Variants in PHF24 observed in about 807,000 individuals in gnomAD.
PHF24 encodes Galpha inhibitory interacting protein.
Under a neutral mutation model 42.6 loss-of-function variants are expected in PHF24, and 25 were observed. The observed-to-expected ratio is 0.59, with a 90% CI of 0.43 to 0.82. The LOEUF (loss-of-function observed/expected upper bound fraction) is 0.82. PHF24 is among the 40% of genes least tolerant of loss of function. The probability of loss-of-function intolerance (pLI) is 0.00; values close to 1 mark genes in which losing one functional copy is unlikely to be tolerated. For synonymous variants in PHF24, 185 were observed against 204.8 expected (o/e 0.90, Z 0.83); for missense variants, 470 against 538.1 (o/e 0.87, Z 1.25).
chr9:34,829,161 C>T, the PHF24 span, among the ~76,000 whole-genome samples: 1 of 151,922 alleles, frequency 6.6e-6, no homozygotes, highest in Non-Finnish European at 1.5e-5. Flanking sequence ...CGGATGTGGA[C>T]TGTTAGGAAA....
chr9:34,922,250 G>T, the PHF24 span: 38 of 1,592,632 alleles, frequency 2.4e-5, no homozygotes, highest in East Asian at 7.4e-4. Flanking sequence ...ACAATGTCAA[G>T]TTGTCTCTCA....
At chr9:34,696,629 G>GT in the PHF24 span, among the ~76,000 whole-genome samples, 6 of 152,166 alleles carry the variant, frequency 3.9e-5, no homozygotes, top group Admixed American at 3.9e-4. Context: ...TCATGTATGA[G>GT]TGATGATGCC....
the PHF24 span, chr9:34,690,038 C>T: frequency 9.9e-6 from 16 of 1,612,326 alleles, no homozygotes; most frequent in East Asian, 2.2e-5. Flanking sequence ...GGTGAGAGGC[C>T]GGAGAGAATG....
At chr9:34,699,838 A>G in the PHF24 span, among the ~76,000 whole-genome samples, 4 of 152,268 alleles carry the variant, frequency 2.6e-5, no homozygotes, top group African/African-American at 9.6e-5. Flanking sequence ...TGTTATGCTA[A>G]TGAAAGAGAC....
chr9:34,842,605 C>T, the PHF24 span, among the ~76,000 whole-genome samples: 1 of 152,160 alleles, frequency 6.6e-6, no homozygotes, highest in Non-Finnish European at 1.5e-5. Context: ...GAGGATGCAG[C>T]AACCAGGTTC....
chr9:34,722,390 G>C, the PHF24 span, among the ~76,000 whole-genome samples: 2 of 152,200 alleles, frequency 1.3e-5, no homozygotes. Context: ...AATACAGTGG[G>C]TTTGGTATGT....
At chr9:34,831,912 A>C in the PHF24 span, among the ~76,000 whole-genome samples, 1 of 152,176 alleles carries the variant, frequency 6.6e-6, no homozygotes, top group African/African-American at 2.4e-5. Context: ...TATCATCTGG[A>C]TCTGACATCT....
chr9:34,856,204 A>G, the PHF24 span, among the ~76,000 whole-genome samples: 1 of 151,970 alleles, frequency 6.6e-6, no homozygotes, highest in African/African-American at 2.4e-5. Context: ...GCTTCTTTGT[A>G]TTGGGTTGGA....
chr9:34,854,193 TC>T, the PHF24 span, among the ~76,000 whole-genome samples: 7 of 45,110 alleles, frequency 1.6e-4, no homozygotes, highest in East Asian at 5.6e-3. Context: ...TAGCAGTCTA[TC>T]TATTTTTTTT....
the PHF24 span, among the ~76,000 whole-genome samples, chr9:34,908,842 C>CTTTTTTTTTTTTTTTT: frequency 6.2e-4 from 84 of 135,322 alleles, no homozygotes; most frequent in East Asian, 8.5e-4. Flanking sequence ...CTTTTCTTTT[C>CTTTTTTTTTTTTTTTT]TTTTTTTTTT....
At chr9:34,865,204 T>TG in the PHF24 span, among the ~76,000 whole-genome samples, 3 of 151,622 alleles carry the variant, frequency 2.0e-5, no homozygotes, top group Non-Finnish European at 4.4e-5. Context: ...TAGTTTTTTT[T>TG]TTGTTTATGC....
upstream of PHF24, among the ~76,000 whole-genome samples, chr9:34,956,650 T>G (rs1826380597): frequency 6.6e-6 from 1 of 152,222 alleles, no homozygotes. Context: ...TCAGACAGCC[T>G]AGAAATAAAA....
At chr9:34,721,437 G>C in the PHF24 span, among the ~76,000 whole-genome samples, 1 of 131,574 alleles carries the variant, frequency 7.6e-6, no homozygotes, top group African/African-American at 3.7e-5. Flanking sequence ...CTCTCTCGAT[G>C]GAGTTTTGCT....
At chr9:34,827,360 C>T in the PHF24 span, among the ~76,000 whole-genome samples, 1 of 152,204 alleles carries the variant, frequency 6.6e-6, no homozygotes, top group African/African-American at 2.4e-5. Context: ...AGTGTTGGTT[C>T]AGCAGGCCTG....
chr9:34,962,047 G>T (rs1456018322), intron 1 of PHF24, among the ~76,000 whole-genome samples: 1 of 152,126 alleles, frequency 6.6e-6, no homozygotes, highest in African/African-American at 2.4e-5. Flanking sequence ...TTTCCTGTTG[G>T]GTCCTAAGGC....
chr9:34,696,903 C>T, the PHF24 span, among the ~76,000 whole-genome samples: 4 of 152,136 alleles, frequency 2.6e-5, no homozygotes, highest in South Asian at 2.1e-4. Flanking sequence ...TCTCCAGGCC[C>T]GTAGCAAGTT....
chr9:34,676,392 C>T, the PHF24 span, among the ~76,000 whole-genome samples: 14 of 152,256 alleles, frequency 9.2e-5, no homozygotes, highest in South Asian at 1.2e-3. Flanking sequence ...GGCATGGTGG[C>T]GGGCCCCTGT....
the PHF24 span, among the ~76,000 whole-genome samples, chr9:34,944,305 A>G: frequency 1.3e-5 from 2 of 152,192 alleles, no homozygotes; most frequent in African/African-American, 2.4e-5. Flanking sequence ...TCAAAATACA[A>G]TCCCAGGTAT....
At chr9:34,687,160 C>T in the PHF24 span, among the ~76,000 whole-genome samples, 2 of 152,150 alleles carry the variant, frequency 1.3e-5, no homozygotes, top group Non-Finnish European at 2.9e-5. Flanking sequence ...CTCTGGTGTC[C>T]ACCCCTTCAG....
Sources: allele counts gnomAD v4.1 joint callset (sites outside exome capture counted in the v4.1 genomes callset), GRCh38; gene constraint gnomAD v4.1.1; transcripts MANE v1.5; gene names NCBI Gene and HGNC (gene_info 2026-07-23, HGNC 2026-07-21).